CSMD2: variants seen among roughly 807,000 people sequenced by gnomAD.
CSMD2 encodes the protein CUB and Sushi multiple domains 2.
Under a neutral mutation model 398.5 loss-of-function variants are expected in CSMD2, and 130 were observed. The ratio of observed to expected loss-of-function variants is 0.33; its 90% CI spans 0.28 to 0.38. The LOEUF (loss-of-function observed/expected upper bound fraction) is 0.38. CSMD2 is among the 10% of genes least tolerant of loss of function. The pLI is 1.00. For synonymous variants in CSMD2, 1,828 were observed against 1,908.5 expected (o/e 0.96, Z 1.10); for missense variants, 3,829 against 4,764.9 (o/e 0.80, Z 5.78).
chr1:33,823,720 TA>T (rs1387382413), intron 7 of CSMD2, among the ~76,000 whole-genome samples: 74 of 152,344 alleles, frequency 4.9e-4, no homozygotes, highest in African/African-American at 1.6e-3. Flanking sequence ...GACATGTGGC[TA>T]CCTGGGTCTG....
chr1:33,602,562 C>T lies in CSMD2; in HGVS notation c.6533-16G>A. 6.4e-7 allele frequency: 1 copy of T among 1,574,102 alleles called. No individual in the cohort carries two copies. The highest frequency in any genetic ancestry group is 8.6e-7 in the Non-Finnish European group (1 of 1,160,008). ...CCACAAGGGACTGCCAGGGAGGGAA[C>T]ACAAACGTAAGTGCAGGGCCTCGGT... is the stretch of plus-strand genomic sequence containing the variant. On this transcript the variant is annotated splice_polypyrimidine_tract_variant and intron_variant, in intron 42 of 70. Coordinates refer to ENST00000373381, the MANE Select transcript of CSMD2 (RefSeq NM_001281956.2).
At chr1:33,551,130 T>A (rs1212362089) in intron 55 of CSMD2, among the ~76,000 whole-genome samples, 1 of 152,142 alleles carries the variant, frequency 6.6e-6, no homozygotes, top group East Asian at 1.9e-4. Context: ...GAGAAGAGTA[T>A]TGTTGGGGAT....
intron 13 of CSMD2, 138 bp from the exon 14 acceptor site, chr1:33,743,744 C>G: frequency 1.5e-6 from 1 of 666,196 alleles, no homozygotes; most frequent in Non-Finnish European, 2.5e-6. Context: ...GCTGGACTGG[C>G]TGGGCTCTGA....
chr1:33,762,773 G>A (rs150578348), intron 13 of CSMD2, among the ~76,000 whole-genome samples: 2 of 152,262 alleles, frequency 1.3e-5, no homozygotes, highest in African/African-American at 2.4e-5. Flanking sequence ...AAAAGCACAT[G>A]CTTATCTTAC....
intron 3 of CSMD2, among the ~76,000 whole-genome samples, chr1:33,946,728 C>T (rs148077305): frequency 0.017 from 2,548 of 151,714 alleles, 32 homozygotes; most frequent in Middle Eastern, 0.028. Context: ...AAGCGAGTCT[C>T]CTGCCTCAGC....
chr1:33,537,417 G>C lies in CSMD2; in HGVS notation c.9805+19C>G. ...CGCAACCCCAGCCAAGACGCTCCCTGCTCCAGATGACCTCTCACCTATGCA... is the reference window on the plus strand; with the variant it reads ...CGCAACCCCAGCCAAGACGCTCCCTCCTCCAGATGACCTCTCACCTATGCA... On this transcript the variant is annotated intron_variant, in intron 61 of 70. Coordinates refer to ENST00000373381, the MANE Select transcript of CSMD2 (RefSeq NM_001281956.2). The surrounding 1 kb of genome is among the most constrained non-coding windows in gnomAD (Gnocchi z 4.6). 1 of 1,597,092 alleles carries C rather than the reference G, an allele frequency of 6.3e-7. No homozygotes were observed. The highest frequency in any genetic ancestry group is 8.5e-7 in the Non-Finnish European group (1 of 1,170,428).
At chr1:33,722,489 T>A (rs1646388769) in intron 19 of CSMD2, among the ~76,000 whole-genome samples, 1 of 152,214 alleles carries the variant, frequency 6.6e-6, no homozygotes. Flanking sequence ...GAAATGGTAT[T>A]TCTCTTTTAA....
chr1:33,532,964 C>T, intron 64 of CSMD2, 86 bp downstream of exon 64: 1 of 1,264,588 alleles, frequency 7.9e-7, no homozygotes, highest in Non-Finnish European at 1.1e-6. Flanking sequence ...CAATTCCTTC[C>T]TTCTCTTTTG....
intron 37 of CSMD2, among the ~76,000 whole-genome samples, chr1:33,621,331 G>A (rs1396087024): frequency 2.0e-5 from 3 of 152,170 alleles, no homozygotes; most frequent in South Asian, 2.1e-4. Context: ...ATCTCCACCC[G>A]CCCACAACCA....
intron 42 of CSMD2, among the ~76,000 whole-genome samples, chr1:33,603,944 A>G (rs750401161): frequency 5.3e-5 from 8 of 152,240 alleles, no homozygotes; most frequent in African/African-American, 9.6e-5. Flanking sequence ...AGGCTGGAAC[A>G]TAAAATCTGC....
At chr1:33,725,850 C>CA (rs1347847113) in intron 16 of CSMD2, among the ~76,000 whole-genome samples, 3 of 151,676 alleles carry the variant, frequency 2.0e-5, no homozygotes, top group Non-Finnish European at 4.4e-5. Flanking sequence ...GGGGTCAGCA[C>CA]ACTAAAGCCT....
chr1:33,910,824 A>T (rs144326165), intron 5 of CSMD2, among the ~76,000 whole-genome samples: 32 of 152,194 alleles, frequency 2.1e-4, no homozygotes, highest in African/African-American at 6.8e-4. Context: ...TTATTTGCAT[A>T]CCTTGATCCA....
chr1:33,833,932 C>G (rs946118511), intron 6 of CSMD2, among the ~76,000 whole-genome samples: 2 of 150,410 alleles, frequency 1.3e-5, no homozygotes, highest in Non-Finnish European at 3.0e-5. Context: ...ACCTAGGAAT[C>G]CAACTTACAA....
At chr1:33,986,078 C>A (rs1236285888) in intron 3 of CSMD2, among the ~76,000 whole-genome samples, 1 of 152,214 alleles carries the variant, frequency 6.6e-6, no homozygotes, top group African/African-American at 2.4e-5. Context: ...CTTGGCACCA[C>A]CCCAGTCCAG....
intron 12 of CSMD2, among the ~76,000 whole-genome samples, chr1:33,787,964 T>C (rs1373049858): frequency 6.6e-6 from 1 of 152,162 alleles, no homozygotes; most frequent in Non-Finnish European, 1.5e-5. Flanking sequence ...CCCAATAGGG[T>C]ATCTTGGGAA....
At position 33,633,572 on chromosome 1, in the gene CSMD2, C is replaced by T. The variant is rs1273247103; in HGVS notation, c.5087-37G>A. ...ACACAGTGTGGGGACTGGGCAGGCA[C>T]GCTGGGGGCAGGAGAGGGGATCTAG... On this transcript the variant is annotated intron_variant, in intron 31 of 70. Coordinates refer to ENST00000373381, the MANE Select transcript of CSMD2 (RefSeq NM_001281956.2). The surrounding 1 kb of genome is among the most constrained non-coding windows in gnomAD (Gnocchi z 5.0). 5 of 1,479,050 alleles carry T rather than the reference C, an allele frequency of 3.4e-6. No homozygotes were observed. The highest frequency in any genetic ancestry group is 2.5e-5 in the East Asian group (1 of 40,570). 91.6% of individuals were successfully genotyped at this position (1,479,050 alleles called of 1,614,324 possible).
chr1:34,011,909 C>T (rs561297716), intron 3 of CSMD2, among the ~76,000 whole-genome samples: 23 of 152,218 alleles, frequency 1.5e-4, no homozygotes, highest in Non-Finnish European at 2.8e-4. Flanking sequence ...CCCATAAGCA[C>T]GTTCTGAGTG....
At chr1:34,103,472 A>G (rs1235449484) in intron 1 of CSMD2, among the ~76,000 whole-genome samples, 8 of 150,756 alleles carry the variant, frequency 5.3e-5, no homozygotes, top group African/African-American at 1.9e-4. Flanking sequence ...CTAATTTTTC[A>G]CGTTTTTAGT....
chr1:33,795,570 C>G (rs568239090), intron 10 of CSMD2, among the ~76,000 whole-genome samples: 1 of 152,358 alleles, frequency 6.6e-6, no homozygotes, highest in South Asian at 2.1e-4. Flanking sequence ...CAGGCTCTTC[C>G]TGCTCCCTGT....
Sources: gnomAD v4.1 joint callset for allele counts (sites outside exome capture counted in the v4.1 genomes callset) on GRCh38, gnomAD v4.1.1 for gene constraint, Gnocchi (gnomAD v3.1) non-coding constraint, MANE v1.5 for transcripts, NCBI Gene and HGNC (gene_info 2026-07-23, HGNC 2026-07-21) for gene names.